The following NFIA variants were observed in gnomAD, a reference collection of about 807,000 sequenced individuals.
NFIA encodes the protein nuclear factor I A, also known as nuclear factor 1 A-type.
Under a neutral mutation model 62.8 loss-of-function variants are expected in NFIA, and 8 were observed. The observed-to-expected ratio is 0.13, with a 90% CI of 0.07 to 0.23. The LOEUF is 0.23. NFIA is among the 10% of genes least tolerant of loss of function. The pLI, the probability that NFIA is intolerant of heterozygous loss-of-function variation, is 1.00. For missense variants in NFIA, 410 were observed against 642.1 expected (o/e 0.64, Z 3.91); for synonymous variants, 235 against 238.1 (o/e 0.99, Z 0.12).
Position 61,113,100 on chromosome 1 carries a change from T to C in NFIA, c.559+24420T>C, listed in dbSNP as rs1646732114. On this transcript the variant is annotated intron_variant, in intron 2 of 10. Coordinates refer to ENST00000403491, the MANE Select transcript of NFIA (RefSeq NM_001134673.4). ...GTTTATAATATATAGCTAATCCTAA[T>C]TTATTACAGTCTTTCAATATATTCT... Among the ~76,000 whole-genome samples, 2 of 152,106 alleles carry C rather than the reference T, an allele frequency of 1.3e-5. 1 individual carries two copies. The highest frequency in any genetic ancestry group is 4.1e-4 in the South Asian group (2 of 4,824).
chr1:61,333,073 A>G (rs1393254169), intron 4 of NFIA, among the ~76,000 whole-genome samples: 1 of 150,906 alleles, frequency 6.6e-6, no homozygotes, highest in African/African-American at 2.4e-5. Flanking sequence ...ACACATACAC[A>G]CACACACACA....
At chr1:61,151,382 C>CTTTTTTTT (rs60675167) in intron 2 of NFIA, among the ~76,000 whole-genome samples, 2 of 141,748 alleles carry the variant, frequency 1.4e-5, no homozygotes. Flanking sequence ...GCTAATACAG[C>CTTTTTTTT]TTTTTTTTTT....
At chr1:61,386,189 A>G (rs898067258) in intron 7 of NFIA, among the ~76,000 whole-genome samples, 20 of 152,286 alleles carry the variant, frequency 1.3e-4, no homozygotes, top group African/African-American at 4.8e-4. Context: ...TTTGGGAGTA[A>G]GACGTGGTGT....
intron 9 of NFIA, among the ~76,000 whole-genome samples, chr1:61,414,382 T>C (rs2499529): frequency 0.76 from 115,482 of 152,206 alleles, 45,040 homozygotes; most frequent in East Asian, 0.98. Context: ...AAAGACAAGG[T>C]ATGGAAAGAT....
At chr1:61,229,352 C>T (rs1654528313) in intron 2 of NFIA, among the ~76,000 whole-genome samples, 2 of 152,100 alleles carry the variant, frequency 1.3e-5, no homozygotes, top group Admixed American at 1.3e-4. Flanking sequence ...TGTATTTATG[C>T]TTGAAATTTT....
chr1:61,115,873 C>T (rs192523923), intron 2 of NFIA, among the ~76,000 whole-genome samples: 24 of 152,242 alleles, frequency 1.6e-4, no homozygotes, highest in South Asian at 6.2e-4. Context: ...CACGTTCCCT[C>T]GATAAATTTA....
chr1:61,258,958 C>T (rs781349723), intron 2 of NFIA, among the ~76,000 whole-genome samples: 20 of 151,974 alleles, frequency 1.3e-4, no homozygotes, highest in Non-Finnish European at 1.3e-4. Flanking sequence ...TGAGCTCAAG[C>T]GATCCACCTG....
intron 6 of NFIA, among the ~76,000 whole-genome samples, chr1:61,369,575 TCTTA>T (rs1663774111): frequency 1.3e-5 from 2 of 152,156 alleles, no homozygotes; most frequent in Admixed American, 6.5e-5. Context: ...ACTTTAGTGA[TCTTA>T]CTTCCTGCGT....
chr1:61,292,581 T>C (rs1658959852), intron 3 of NFIA, among the ~76,000 whole-genome samples: 1 of 152,172 alleles, frequency 6.6e-6, no homozygotes, highest in Non-Finnish European at 1.5e-5. Flanking sequence ...TAAAATGTGA[T>C]TGTGATCTCC....
At chr1:61,275,202 CCACT>C (rs1048044813) in intron 2 of NFIA, among the ~76,000 whole-genome samples, 24 of 152,284 alleles carry the variant, frequency 1.6e-4, no homozygotes, top group African/African-American at 5.8e-4. Context: ...CATTTTCTTG[CCACT>C]CACTCCTTTG....
chr1:61,246,172 A>G (rs1052209709), intron 2 of NFIA, among the ~76,000 whole-genome samples: 2 of 152,216 alleles, frequency 1.3e-5, no homozygotes, highest in Non-Finnish European at 2.9e-5. Flanking sequence ...ATTTAAATAT[A>G]GTTATCCTGT....
At chr1:61,161,640 C>T (rs1045152566) in intron 2 of NFIA, among the ~76,000 whole-genome samples, 1 of 151,680 alleles carries the variant, frequency 6.6e-6, no homozygotes, top group Admixed American at 6.6e-5. Context: ...CTCTGACTTT[C>T]AACGGTTTGA....
chr1:61,299,679 TG>T (rs1288992730), intron 3 of NFIA, among the ~76,000 whole-genome samples: 2 of 152,176 alleles, frequency 1.3e-5, no homozygotes, highest in African/African-American at 4.8e-5. Flanking sequence ...TTTAAATGGC[TG>T]AACAGTAGGT....
intron 3 of NFIA, among the ~76,000 whole-genome samples, chr1:61,305,379 T>A (rs1659712286): frequency 6.6e-6 from 1 of 152,198 alleles, no homozygotes; most frequent in African/African-American, 2.4e-5. Flanking sequence ...AGAACCTCCG[T>A]TAAACACAAG....
At chr1:61,238,443 T>C (rs1655128155) in intron 2 of NFIA, among the ~76,000 whole-genome samples, 1 of 152,216 alleles carries the variant, frequency 6.6e-6, no homozygotes, top group Non-Finnish European at 1.5e-5. Context: ...AAGAAAATTA[T>C]ATGTTTTAGT....
intron 2 of NFIA, among the ~76,000 whole-genome samples, chr1:61,134,555 A>G (rs1003625345): frequency 1.3e-5 from 2 of 152,170 alleles, no homozygotes; most frequent in African/African-American, 4.8e-5. Flanking sequence ...AGGCTATAAC[A>G]TATGACTTAG....
chr1:61,254,858 C>T (rs1656276483), intron 2 of NFIA, among the ~76,000 whole-genome samples: 1 of 152,122 alleles, frequency 6.6e-6, no homozygotes, highest in African/African-American at 2.4e-5. Context: ...AGACAGTCTG[C>T]CTTAAAGCAG....
intron 2 of NFIA, among the ~76,000 whole-genome samples, chr1:61,165,002 T>A (rs908119338): frequency 3.9e-5 from 6 of 152,148 alleles, no homozygotes; most frequent in Non-Finnish European, 7.4e-5. Context: ...CAGTGCTTTA[T>A]TTTTTTGTTT....
At chr1:61,129,225 TTA>T (rs1021557887) in intron 2 of NFIA, among the ~76,000 whole-genome samples, 1 of 151,458 alleles carries the variant, frequency 6.6e-6, no homozygotes, top group Non-Finnish European at 1.5e-5. Context: ...CCCGGCCTAC[TTA>T]TGTGTTTTAG....
Sources: allele counts gnomAD v4.1 joint callset (sites outside exome capture counted in the v4.1 genomes callset), GRCh38; gene constraint gnomAD v4.1.1; transcripts MANE v1.5; gene names NCBI Gene and HGNC (gene_info 2026-07-23, HGNC 2026-07-21).